The following PIAS2 variants were observed in gnomAD, a reference collection of about 807,000 sequenced individuals.
PIAS2 encodes the protein E3 SUMO-protein ligase PIAS2.
In PIAS2, 19 loss-of-function variants were observed where a neutral mutation model predicts 69.7. The ratio of observed to expected loss-of-function variants is 0.27; its 90% confidence interval spans 0.19 to 0.40. The LOEUF (loss-of-function observed/expected upper bound fraction) is 0.40. Among genes scored for constraint, PIAS2 ranks in the 10% least tolerant of loss-of-function variants. The pLI is 1.00. For missense variants in PIAS2, 624 were observed against 757.0 expected (o/e 0.82, Z 2.06); for synonymous variants, 261 against 263.2 (o/e 0.99, Z 0.08).
upstream of PIAS2, among the ~76,000 whole-genome samples, chr18:46,919,701 C>G (rs766513501): frequency 5.3e-5 from 8 of 152,154 alleles, no homozygotes; most frequent in Non-Finnish European, 1.2e-4. Context: ...TGTAAACCCA[C>G]TAGACTATAA....
intron 3 of PIAS2, among the ~76,000 whole-genome samples, chr18:46,862,592 A>G (rs1182653352): frequency 6.6e-6 from 1 of 152,148 alleles, no homozygotes; most frequent in African/African-American, 2.4e-5. Flanking sequence ...TCATATAAAT[A>G]ATGTTTTGTT....
rs2041046398 is a variant in PIAS2 at position 46,812,198 on chromosome 18, T to C, written c.*235A>G. On this transcript the variant is annotated 3_prime_UTR_variant, in exon 14 of 14. Transcript: ENST00000585916. ...AAATCCATCTCTCAGGAAGATACAGTTATGGTTGAATGTATCTGATGCTGA... is the reference window on the plus strand; with the variant it reads ...AAATCCATCTCTCAGGAAGATACAGCTATGGTTGAATGTATCTGATGCTGA... 1 of 375,572 alleles carries C rather than the reference T, an allele frequency of 2.7e-6. No individual in the cohort carries two copies. Among genetic ancestry groups the C allele is most frequent in the African/African-American group, 2.0e-5 (1 of 49,404 alleles). 23.3% of individuals were successfully genotyped at this position (375,572 alleles called of 1,614,324 possible).
chr18:46,813,005 C>A (rs994876168), intron 13 of PIAS2, among the ~76,000 whole-genome samples: 1 of 152,072 alleles, frequency 6.6e-6, no homozygotes, highest in African/African-American at 2.4e-5. Context: ...AGCATTTTTG[C>A]TTAATAACAT....
At chr18:46,890,338 T>C (rs1288698829) in intron 2 of PIAS2, among the ~76,000 whole-genome samples, 1 of 152,236 alleles carries the variant, frequency 6.6e-6, no homozygotes, top group Non-Finnish European at 1.5e-5. Flanking sequence ...ATCAAGATGA[T>C]ACATTTTATA....
At chr18:46,894,492 A>G (rs2054546634) in intron 1 of PIAS2, among the ~76,000 whole-genome samples, 3 of 152,160 alleles carry the variant, frequency 2.0e-5, no homozygotes, top group Non-Finnish European at 2.9e-5. Flanking sequence ...GCTAACTCTC[A>G]AAGGCTCCCA....
intron 12 of PIAS2, 150 bp from the exon 13 acceptor site, chr18:46,815,499 T>G: frequency 7.0e-7 from 1 of 1,434,974 alleles, no homozygotes; most frequent in Non-Finnish European, 9.2e-7. Context: ...ATCAGTGATA[T>G]TTGAAGTGTT....
intron 1 of PIAS2, chr18:46,916,921 A>C: frequency 3.0e-6 from 3 of 985,550 alleles, no homozygotes. Flanking sequence ...AGTGAGTAGC[A>C]TGCAGACTTG....
intron 5 of PIAS2, 49 bp from the exon 6 acceptor site, chr18:46,846,890 T>C: frequency 1.3e-6 from 2 of 1,495,640 alleles, no homozygotes; most frequent in Non-Finnish European, 1.8e-6. Flanking sequence ...GCAGGAAGAT[T>C]AAACATTTTC....
upstream of PIAS2, chr18:46,917,854 A>C (rs532612988): frequency 6.6e-6 from 1 of 152,424 alleles, no homozygotes; most frequent in East Asian, 1.9e-4. Context: ...GTGCCTATGG[A>C]CGGAGAAAGC....
At chr18:46,863,876 G>T (rs748742824) in intron 3 of PIAS2, among the ~76,000 whole-genome samples, 5 of 152,126 alleles carry the variant, frequency 3.3e-5, no homozygotes, top group Non-Finnish European at 5.9e-5. Flanking sequence ...GTTAAATAAA[G>T]CCACAGGGTA....
At chr18:46,880,912 C>T (rs1347377480) in intron 2 of PIAS2, among the ~76,000 whole-genome samples, 1 of 152,180 alleles carries the variant, frequency 6.6e-6, no homozygotes, top group Non-Finnish European at 1.5e-5. Flanking sequence ...CTGAACACTG[C>T]TTTAAATTAT....
At chr18:46,819,497 C>A (rs1341700002) in intron 12 of PIAS2, among the ~76,000 whole-genome samples, 1 of 152,084 alleles carries the variant, frequency 6.6e-6, no homozygotes, top group Non-Finnish European at 1.5e-5. Context: ...AATGTCTATT[C>A]TTTTCCACTA....
upstream of PIAS2, among the ~76,000 whole-genome samples, chr18:46,918,724 C>T (rs2058298971): frequency 6.6e-6 from 1 of 152,056 alleles, no homozygotes; most frequent in Non-Finnish European, 1.5e-5. Flanking sequence ...ACCCGGCCTC[C>T]CCTCAAGTTT....
intron 11 of PIAS2, among the ~76,000 whole-genome samples, chr18:46,821,798 T>C (rs2042211034): frequency 6.6e-6 from 1 of 152,178 alleles, no homozygotes; most frequent in Non-Finnish European, 1.5e-5. Context: ...AATAAATACT[T>C]CACAATTGGT....
intron 2 of PIAS2, among the ~76,000 whole-genome samples, chr18:46,871,030 G>A (rs2050284242): frequency 6.6e-6 from 1 of 152,162 alleles, no homozygotes; most frequent in Non-Finnish European, 1.5e-5. Context: ...GGAATTCCTA[G>A]AGAGGCTGAA....
intron 2 of PIAS2, among the ~76,000 whole-genome samples, chr18:46,888,252 T>C (rs2053516064): frequency 6.7e-6 from 1 of 150,170 alleles, no homozygotes; most frequent in Non-Finnish European, 1.5e-5. Context: ...GAAGACTTAA[T>C]TTTTTTTTTC....
chr18:46,832,892 C>CAAAAAAAAAAAAAAAAAAAAAAAAAAAA (rs34958166), intron 9 of PIAS2, among the ~76,000 whole-genome samples: 8 of 105,996 alleles, frequency 7.5e-5, no homozygotes, highest in Non-Finnish European at 1.3e-4. Context: ...CCTCTGTCTC[C>CAAAAAAAAAAAAAAAAAAAAAAAAAAAA]AAAAAAAAAA....
In PIAS2 at chr18:46,808,949, T is replaced by C. The variant is rs1160277879; in HGVS notation, c.*3484A>G. The C allele has an allele frequency of 6.6e-6, 1 of 150,722 alleles. No homozygotes were observed. The highest frequency in any genetic ancestry group is 1.5e-5 in the Non-Finnish European group (1 of 67,872). 9.3% of individuals were successfully genotyped at this position (150,722 alleles called of 1,614,324 possible). On this transcript the variant is annotated 3_prime_UTR_variant, in exon 14 of 14. Transcript: ENST00000585916. Reference sequence around the variant, plus strand: ...ATACAAACAAACGTCAACTAATGAATACTTTATTGGCAGAAAAAAAAGACA... The same window carrying C: ...ATACAAACAAACGTCAACTAATGAACACTTTATTGGCAGAAAAAAAAGACA...
upstream of PIAS2, among the ~76,000 whole-genome samples, chr18:46,919,452 C>T (rs1303422100): frequency 6.6e-6 from 1 of 151,736 alleles, no homozygotes. Context: ...CGCCATTGCA[C>T]TCCAGCCTGG....
Sources: gnomAD v4.1 joint callset for allele counts (sites outside exome capture counted in the v4.1 genomes callset) on GRCh38, gnomAD v4.1.1 for gene constraint, MANE v1.5 for transcripts, NCBI Gene and HGNC (gene_info 2026-07-23, HGNC 2026-07-21) for gene names.